Variants in KCNQ1OT1 observed in about 807,000 individuals in gnomAD.
KCNQ1OT1 encodes the protein KCNQ1 opposite strand/antisense transcript 1, also known as KCNQ1 antisense RNA 2 (non-protein coding).
chr11:2,657,176 T>C lies in KCNQ1OT1; in HGVS notation n.42819A>G. On this transcript the variant is annotated non_coding_transcript_exon_variant, in exon 1 of 1. Transcript: ENST00000597346. This position sits in a 1 kb window ranked among gnomAD's most constrained non-coding sequence, Gnocchi z 4.8. ...ACAGCAAGTTCTCCCACCTTGTTCT[T>C]CTTCAAGAATATTGCCAATTCTTGG... The C allele has an allele frequency of 2.5e-6, 1 of 398,670 alleles. No homozygotes were observed. Among genetic ancestry groups the C allele is most frequent in the Non-Finnish European group, 4.4e-6 (1 of 226,070 alleles). The allele number at this position is 398,670 out of a possible 1,614,324, so 24.7% of individuals were successfully genotyped here. A position where few individuals can be genotyped will look rare whatever the true frequency, so the allele number is the denominator to read the frequency against.
exon 1 of KCNQ1OT1, chr11:2,650,821 C>T (rs1849745526): frequency 2.5e-6 from 1 of 398,600 alleles, no homozygotes; most frequent in Non-Finnish European, 4.4e-6. Context: ...GTTTTATTTG[C>T]ACTTACTGAT....
chr11:2,649,306 C>A, exon 1 of KCNQ1OT1: 4 of 398,242 alleles, frequency 1.0e-5, no homozygotes, highest in Non-Finnish European at 1.8e-5. Context: ...TTTTTCTTTG[C>A]AATTTTTTGG....
Position 2,678,931 on chromosome 11 carries a change from A to G in KCNQ1OT1, n.21064T>C, listed in dbSNP as rs7941377. ...ATCATACTTTCAGGGCATCTTGGAAAAACTGAATTTGCTAACTCAATAGAG... is the reference window on the plus strand; with the variant it reads ...ATCATACTTTCAGGGCATCTTGGAAGAACTGAATTTGCTAACTCAATAGAG... On this transcript the variant is annotated non_coding_transcript_exon_variant, in exon 1 of 1. Transcript: ENST00000597346. This position sits in a 1 kb window ranked among gnomAD's most constrained non-coding sequence, Gnocchi z 4.9. The G allele has an allele frequency of 0.066, 26,126 of 398,536 alleles. 1,106 individuals are homozygous for G. Among genetic ancestry groups the G allele is most frequent in the African/African-American group, 0.13 (6,201 of 48,678 alleles). 24.7% of individuals were successfully genotyped at this position (398,536 alleles called of 1,614,324 possible). A position where few individuals can be genotyped will look rare whatever the true frequency, so the allele number is the denominator to read the frequency against.
rs1023307668 is a variant in KCNQ1OT1 at position 2,681,146 on chromosome 11, T to C, written n.18849A>G. 8 of 398,530 alleles carry C rather than the reference T, an allele frequency of 2.0e-5. No individual in the cohort carries two copies. In the Admixed American group the frequency reaches 2.6e-4, roughly 13 times the overall value. The allele number at this position is 398,530 out of a possible 1,614,324, so 24.7% of individuals were successfully genotyped here. ...AAGCACCTATGAAAAAATTCTTACA[T>C]AGCAATTCTACTTCTGAATGCTAAG... On this transcript the variant is annotated non_coding_transcript_exon_variant, in exon 1 of 1. Coordinates refer to ENST00000597346, the Ensembl canonical transcript of KCNQ1OT1.
In KCNQ1OT1 at chr11:2,627,533, T is replaced by C; in HGVS notation, n.72462A>G. Reference sequence around the variant, plus strand: ...TTCAAGCTTTTTAGAATTCCATATGTAACTGGGATAGTGCAGTATTTGTCT... The same window carrying C: ...TTCAAGCTTTTTAGAATTCCATATGCAACTGGGATAGTGCAGTATTTGTCT... On this transcript the variant is annotated non_coding_transcript_exon_variant, in exon 1 of 1. Coordinates refer to ENST00000597346, the Ensembl canonical transcript of KCNQ1OT1. The surrounding 1 kb of genome is among the most constrained non-coding windows in gnomAD (Gnocchi z 4.9). 2 of 398,580 alleles carry C rather than the reference T, an allele frequency of 5.0e-6. No individual in the cohort carries two copies. The highest frequency in any genetic ancestry group is 8.8e-6 in the Non-Finnish European group (2 of 226,044). 24.7% of individuals were successfully genotyped at this position (398,580 alleles called of 1,614,324 possible). A position where few individuals can be genotyped will look rare whatever the true frequency, so the allele number is the denominator to read the frequency against.
chr11:2,616,202 T>C, exon 1 of KCNQ1OT1: 1 of 397,252 alleles, frequency 2.5e-6, no homozygotes, highest in Non-Finnish European at 4.4e-6. Context: ...GTTCCCACTT[T>C]TGTTTTTTTT....
At chr11:2,699,202 C>T (rs972833803) in exon 1 of KCNQ1OT1, 8 of 398,660 alleles carry the variant, frequency 2.0e-5, no homozygotes, top group South Asian at 1.3e-4. Flanking sequence ...CCTTGGGACG[C>T]GGCCAGGAAC....
In KCNQ1OT1 at chr11:2,677,875, C is replaced by T. The variant is rs182169333; in HGVS notation, n.22120G>A. 1 of 398,522 alleles carries T rather than the reference C, an allele frequency of 2.5e-6. No homozygotes were observed. Among genetic ancestry groups the T allele is most frequent in the Non-Finnish European group, 4.4e-6 (1 of 226,038 alleles). 24.7% of individuals were successfully genotyped at this position (398,522 alleles called of 1,614,324 possible). A position where few individuals can be genotyped will look rare whatever the true frequency, so the allele number is the denominator to read the frequency against. On this transcript the variant is annotated non_coding_transcript_exon_variant, in exon 1 of 1. Coordinates refer to ENST00000597346, the Ensembl canonical transcript of KCNQ1OT1. The surrounding 1 kb of genome is among the most constrained non-coding windows in gnomAD (Gnocchi z 4.5). ...TTACATCACTTTGACTGCACAAATGCACTTTCTTCCCCCACCCTTACCAAG... is the reference window on the plus strand; with the variant it reads ...TTACATCACTTTGACTGCACAAATGTACTTTCTTCCCCCACCCTTACCAAG...
chr11:2,686,889 C>CTGAA (rs1850498543), exon 1 of KCNQ1OT1: 1 of 398,686 alleles, frequency 2.5e-6, no homozygotes, highest in Admixed American at 4.4e-5. Context: ...AGTGACCAGC[C>CTGAA]TGAAGATAGA....
At chr11:2,660,632 C>T (rs193302142) in exon 1 of KCNQ1OT1, 21 of 398,594 alleles carry the variant, frequency 5.3e-5, no homozygotes, top group Admixed American at 4.0e-4. Context: ...AGGTATTCAA[C>T]ACAGATGGAA....
rs781285688 is a variant in KCNQ1OT1 at position 2,661,088 on chromosome 11, T to C, written n.38907A>G. The C allele has an allele frequency of 9.0e-5, 36 of 398,264 alleles. No homozygotes were observed. The Admixed American group carries it at 1.3e-3, about 14-fold the overall frequency. The allele number at this position is 398,264 out of a possible 1,614,324, so 24.7% of individuals were successfully genotyped here. The stretch of plus-strand genomic sequence containing the variant: ...GAGTCACAGTGACATCCCATGTGCA[T>C]AAAAGCAACTCCCACCTGGCATCTG... On this transcript the variant is annotated non_coding_transcript_exon_variant, in exon 1 of 1. Transcript: ENST00000597346. The surrounding 1 kb of genome is among the most constrained non-coding windows in gnomAD (Gnocchi z 5.9).
chr11:2,673,194 A>C lies in KCNQ1OT1; in HGVS notation n.26801T>G, dbSNP rs1488948791. The C allele has an allele frequency of 7.5e-6, 3 of 398,556 alleles. No individual in the cohort carries two copies. Among genetic ancestry groups the C allele is most frequent in the East Asian group, 7.1e-5 (2 of 28,082 alleles). 24.7% of individuals were successfully genotyped at this position (398,556 alleles called of 1,614,324 possible). A position where few individuals can be genotyped will look rare whatever the true frequency, so the allele number is the denominator to read the frequency against. ...AATGGGCCCTGGAGCCAAGGCCAAA[A>C]GCCGAACTGTGACTAGGCAAGCTGA... On this transcript the variant is annotated non_coding_transcript_exon_variant, in exon 1 of 1. Coordinates refer to ENST00000597346, the Ensembl canonical transcript of KCNQ1OT1. This position sits in a 1 kb window ranked among gnomAD's most constrained non-coding sequence, Gnocchi z 4.5.
chr11:2,659,748 C>T lies in KCNQ1OT1; in HGVS notation n.40247G>A, dbSNP rs780733867. ...GAGAGTTCTACATGTTCCACATCCT[C>T]AAGAGTGGTTGGTATTGTCAGGTTT... On this transcript the variant is annotated non_coding_transcript_exon_variant, in exon 1 of 1. Coordinates refer to ENST00000597346, the Ensembl canonical transcript of KCNQ1OT1. The surrounding 1 kb of genome is among the most constrained non-coding windows in gnomAD (Gnocchi z 4.3). 7.5e-6 allele frequency: 3 copies of T among 398,326 alleles called. No homozygotes were observed. The highest frequency in any genetic ancestry group is 8.8e-6 in the Non-Finnish European group (2 of 226,012). 24.7% of individuals were successfully genotyped at this position (398,326 alleles called of 1,614,324 possible).
chr11:2,663,686 A>G lies in KCNQ1OT1; in HGVS notation n.36309T>C. On this transcript the variant is annotated non_coding_transcript_exon_variant, in exon 1 of 1. Coordinates refer to ENST00000597346, the Ensembl canonical transcript of KCNQ1OT1. The surrounding 1 kb of genome is among the most constrained non-coding windows in gnomAD (Gnocchi z 5.2). ...TCACCCACAGTCCATCTAGCTGGGC[A>G]GCCAGGCCTTACCAACTCTTGGGTC... The G allele has an allele frequency of 2.5e-6, 1 of 398,730 alleles. No individual in the cohort carries two copies. The highest frequency in any genetic ancestry group is 4.4e-6 in the Non-Finnish European group (1 of 226,104). 24.7% of individuals were successfully genotyped at this position (398,730 alleles called of 1,614,324 possible).
chr11:2,693,502 A>T, exon 1 of KCNQ1OT1: 1 of 398,648 alleles, frequency 2.5e-6, no homozygotes, highest in Non-Finnish European at 4.4e-6. Context: ...GGCCTTTTAG[A>T]TCCATTTCTT....
chr11:2,617,196 T>A lies in KCNQ1OT1; in HGVS notation n.82799A>T. The A allele has an allele frequency of 2.5e-6, 1 of 398,326 alleles. No individual in the cohort carries two copies. Among genetic ancestry groups the A allele is most frequent in the Non-Finnish European group, 4.4e-6 (1 of 225,880 alleles). The allele number at this position is 398,326 out of a possible 1,614,324, so 24.7% of individuals were successfully genotyped here. A position where few individuals can be genotyped will look rare whatever the true frequency, so the allele number is the denominator to read the frequency against. ...CTTGTTCATCCTATATATCTGCTAC[T>A]TGGTATCCTTTGACCTACATCTTTC... On this transcript the variant is annotated non_coding_transcript_exon_variant, in exon 1 of 1. Coordinates refer to ENST00000597346, the Ensembl canonical transcript of KCNQ1OT1. The surrounding 1 kb of genome is among the most constrained non-coding windows in gnomAD (Gnocchi z 4.6).
In KCNQ1OT1 at chr11:2,649,013, A is replaced by AT. The variant is rs1253503252; in HGVS notation, n.50981dup. On this transcript the variant is annotated non_coding_transcript_exon_variant, in exon 1 of 1. Coordinates refer to ENST00000597346, the Ensembl canonical transcript of KCNQ1OT1. ...TTTTTTTTTTTTTTTTTGACTCAGT[A>AT]TTTTTTGTCTGTCTACTCCTGCATG... 1.3e-5 allele frequency: 3 copies of AT among 237,528 alleles called. No individual in the cohort carries two copies. The Admixed American group carries it at 3.1e-4, about 25-fold the overall frequency. 14.7% of individuals were successfully genotyped at this position (237,528 alleles called of 1,614,324 possible). A position where few individuals can be genotyped will look rare whatever the true frequency, so the allele number is the denominator to read the frequency against.
At position 2,624,411 on chromosome 11, in the gene KCNQ1OT1, T is replaced by C. The variant is rs1382578240; in HGVS notation, n.75584A>G. On this transcript the variant is annotated non_coding_transcript_exon_variant, in exon 1 of 1. Coordinates refer to ENST00000597346, the Ensembl canonical transcript of KCNQ1OT1. This position sits in a 1 kb window ranked among gnomAD's most constrained non-coding sequence, Gnocchi z 4.9. ...AGTATGTTTTACAGAGCAGAAACTT[T>C]TATTTTTAACAAAGTCTAGCTTATC... 2.5e-6 allele frequency: 1 copy of C among 398,404 alleles called. No individual in the cohort carries two copies. The highest frequency in any genetic ancestry group is 4.4e-6 in the Non-Finnish European group (1 of 226,036). The allele number at this position is 398,404 out of a possible 1,614,324, so 24.7% of individuals were successfully genotyped here. A position where few individuals can be genotyped will look rare whatever the true frequency, so the allele number is the denominator to read the frequency against.
rs991275819 is a variant in KCNQ1OT1 at position 2,612,473 on chromosome 11, T to C, written n.87522A>G. On this transcript the variant is annotated non_coding_transcript_exon_variant, in exon 1 of 1. Transcript: ENST00000597346. The surrounding 1 kb of genome is among the most constrained non-coding windows in gnomAD (Gnocchi z 5.5). ...TATTCTTCAGTCTGAATCATCTTTA[T>C]GGATCTGCGTTGAAGTTCATTGATT... The C allele has an allele frequency of 2.5e-5, 10 of 398,536 alleles. No individual in the cohort carries two copies. Among genetic ancestry groups the C allele is most frequent in the Non-Finnish European group, 4.4e-5 (10 of 226,074 alleles). The allele number at this position is 398,536 out of a possible 1,614,324, so 24.7% of individuals were successfully genotyped here.
Sources: gnomAD v4.1 joint callset for allele counts on GRCh38, gnomAD v4.1.1 for gene constraint, Gnocchi (gnomAD v3.1) non-coding constraint, MANE v1.5 for transcripts, NCBI Gene and HGNC (gene_info 2026-07-23, HGNC 2026-07-21) for gene names.